C11orf54: variants seen among roughly 807,000 people sequenced by gnomAD.
C11orf54 encodes beta-keto L-gulonate decarboxylase.
A neutral mutation model predicts 35.5 loss-of-function variants in C11orf54; 29 were observed. The ratio of observed to expected loss-of-function variants is 0.82; its 90% confidence interval spans 0.61 to 1.11. The LOEUF (loss-of-function observed/expected upper bound fraction) is 1.11, where lower values mean the gene tolerates loss of function less well. C11orf54 is among the 50% of genes most tolerant of loss of function. C11orf54 has a pLI of 0.00. For missense variants in C11orf54, 373 were observed against 369.2 expected, an observed-to-expected ratio of 1.01 and a Z score of -0.08; for synonymous variants, 108 against 121.1, an observed-to-expected ratio of 0.89 and a Z score of 0.71.
chr11:93,743,668 C>T (rs1013011224), intron 1 of C11orf54, among the ~76,000 whole-genome samples: 47 of 152,294 alleles, frequency 3.1e-4, no homozygotes, highest in Admixed American at 2.2e-3. Context: ...CCCTGAAGAC[C>T]CACAGCCTGT....
intron 3 of C11orf54, among the ~76,000 whole-genome samples, chr11:93,751,957 A>G (rs186230126): frequency 1.4e-4 from 21 of 147,884 alleles, no homozygotes; most frequent in Admixed American, 1.4e-3. Context: ...GGCGATTCTC[A>G]TACCTCACCC....
intron 8 of C11orf54, among the ~76,000 whole-genome samples, chr11:93,761,152 A>G (rs1943443609): frequency 6.6e-6 from 1 of 152,238 alleles, no homozygotes; most frequent in South Asian, 2.1e-4. Context: ...AGAATGAGGA[A>G]GCTCTTTTAT....
At chr11:93,751,820 C>CTTTTTTTTTTT (rs35146074) in intron 3 of C11orf54, among the ~76,000 whole-genome samples, 3 of 80,228 alleles carry the variant, frequency 3.7e-5, no homozygotes, top group Non-Finnish European at 2.4e-5. Context: ...AATGGTTAAT[C>CTTTTTTTTTTT]TTTTTTTTTT....
Position 93,761,699 on chromosome 11 carries a change from ACTTATTT to A in C11orf54, c.*12_*18del. ...ATTGGGCGAGATTAAATCAGCTGAT[ACTTATTT>A]AGAAAAAGAAATAATTAAGGTTAAT... On this transcript the variant is annotated 3_prime_UTR_variant, in exon 9 of 9. Coordinates refer to ENST00000354421, the MANE Select transcript of C11orf54 (RefSeq NM_001286069.2). 2 of 1,533,122 alleles carry A rather than the reference ACTTATTT, an allele frequency of 1.3e-6. No homozygotes were observed. Among genetic ancestry groups the A allele is most frequent in the Admixed American group, 2.3e-5 (1 of 44,248 alleles). The allele number at this position is 1,533,122 out of a possible 1,614,324, so 95.0% of individuals were successfully genotyped here.
At chr11:93,758,091 C>G (rs1192251339) in intron 7 of C11orf54, among the ~76,000 whole-genome samples, 1 of 152,206 alleles carries the variant, frequency 6.6e-6, no homozygotes, top group Non-Finnish European at 1.5e-5. Flanking sequence ...GGGAGGACCG[C>G]TGGAGGCCAG....
intron 2 of C11orf54, among the ~76,000 whole-genome samples, chr11:93,749,190 A>G (rs1298998459): frequency 1.3e-5 from 2 of 151,458 alleles, no homozygotes; most frequent in South Asian, 4.2e-4. Flanking sequence ...TTTGATCCTT[A>G]AAAGTACATA....
intron 1 of C11orf54, chr11:93,745,747 C>T (rs1017937608): frequency 6.6e-6 from 1 of 152,216 alleles, no homozygotes; most frequent in South Asian, 2.1e-4. Context: ...TTTGGGAGGC[C>T]GAGGCAAGTG....
chr11:93,762,994 A>G lies in C11orf54; in HGVS notation c.*1306A>G, dbSNP rs1365006403. The G allele has an allele frequency of 6.6e-6, 1 of 152,210 alleles. No homozygotes were observed. The highest frequency in any genetic ancestry group is 6.5e-5 in the Admixed American group (1 of 15,280). The allele number at this position is 152,210 out of a possible 1,614,324, so 9.4% of individuals were successfully genotyped here. On this transcript the variant is annotated 3_prime_UTR_variant, in exon 9 of 9. Coordinates refer to ENST00000354421, the MANE Select transcript of C11orf54 (RefSeq NM_001286069.2). ...TTCAAATAATATTTTTTAATTGTCT[A>G]CTTTGGATGTTAGCTATGTCTTGTG...
chr11:93,742,193 T>G (rs1452664260), intron 1 of C11orf54: 1 of 152,772 alleles, frequency 6.5e-6, no homozygotes, highest in Non-Finnish European at 1.5e-5. Context: ...ACATCCCCCC[T>G]GCCCCACACC....
Position 93,761,787 on chromosome 11 carries a change from A to G in C11orf54, c.*99A>G, listed in dbSNP as rs1943492926. ...ATAAAACCAATAGAAATGATCCCACAGGCCAGGCACAATGGCTCATGCCTA... is the reference window on the plus strand; with the variant it reads ...ATAAAACCAATAGAAATGATCCCACGGGCCAGGCACAATGGCTCATGCCTA... On this transcript the variant is annotated 3_prime_UTR_variant, in exon 9 of 9. Coordinates refer to ENST00000354421, the MANE Select transcript of C11orf54 (RefSeq NM_001286069.2). 1.7e-6 allele frequency: 2 copies of G among 1,206,124 alleles called. No homozygotes were observed. Among genetic ancestry groups the G allele is most frequent in the Non-Finnish European group, 2.2e-6 (2 of 901,356 alleles). 74.7% of individuals were successfully genotyped at this position (1,206,124 alleles called of 1,614,324 possible).
Position 93,757,361 on chromosome 11 carries a change from G to A in C11orf54, c.553G>A (p.Val185Met). The A allele has an allele frequency of 3.1e-6, 5 of 1,598,216 alleles. No homozygotes were observed. Among genetic ancestry groups the A allele is most frequent in the Non-Finnish European group, 3.4e-6 (4 of 1,179,762 alleles). The change falls in exon 7 of 9, where the codon GTG becomes ATG. Residue 185 changes from valine (V) to methionine (M), a missense_variant. Val to Met is a conservative substitution (Grantham distance 21). Transcript: ENST00000354421. ...AKRRTGPLNF[V>M]TCMRETLEKH... ...AAGAAGAACTGGACCACTTAACTTT[G>A]TGACTTGTATGAGAGAGACCCTGGA...
intron 1 of C11orf54, among the ~76,000 whole-genome samples, chr11:93,744,152 T>C (rs553763946): frequency 2.6e-5 from 4 of 152,350 alleles, no homozygotes; most frequent in East Asian, 1.9e-4. Flanking sequence ...ATGTCAAATA[T>C]AGAGTAGAAC....
At chr11:93,754,118 A>C in intron 5 of C11orf54, 81 bp downstream of exon 5, 1 of 1,170,740 alleles carries the variant, frequency 8.5e-7, no homozygotes, top group Non-Finnish European at 1.3e-6. Flanking sequence ...CAAAAATCCT[A>C]CTTTCTGAGT....
At chr11:93,749,552 C>T (rs1213916677) in intron 2 of C11orf54, among the ~76,000 whole-genome samples, 1 of 148,656 alleles carries the variant, frequency 6.7e-6, no homozygotes, top group Non-Finnish European at 1.5e-5. Context: ...TGTGATGGCT[C>T]ATTGTAATCC....
At chr11:93,752,295 TAAGACC>T (rs1426086065) in intron 3 of C11orf54, among the ~76,000 whole-genome samples, 2 of 152,176 alleles carry the variant, frequency 1.3e-5, no homozygotes, top group Non-Finnish European at 2.9e-5. Context: ...CATAGGAGTT[TAAGACC>T]AAACTGGCCA....
intron 3 of C11orf54, among the ~76,000 whole-genome samples, chr11:93,750,749 G>A (rs1942770239): frequency 6.6e-6 from 1 of 152,092 alleles, no homozygotes; most frequent in African/African-American, 2.4e-5. Context: ...AGACTGTTAT[G>A]GAAACTGATT....
chr11:93,762,061 A>G lies in C11orf54; in HGVS notation c.*373A>G, dbSNP rs1001284923. The G allele has an allele frequency of 1.3e-5, 2 of 153,550 alleles. No homozygotes were observed. Among genetic ancestry groups the G allele is most frequent in the African/African-American group, 4.8e-5 (2 of 41,520 alleles). 9.5% of individuals were successfully genotyped at this position (153,550 alleles called of 1,614,324 possible). A position where few individuals can be genotyped will look rare whatever the true frequency, so the allele number is the denominator to read the frequency against. On this transcript the variant is annotated 3_prime_UTR_variant, in exon 9 of 9. Coordinates refer to ENST00000354421, the MANE Select transcript of C11orf54 (RefSeq NM_001286069.2). ...AAATATCTAATTGAGATATTCTTTA[A>G]TTTTTTACATAGCAGCTTTATTTTT...
intron 7 of C11orf54, among the ~76,000 whole-genome samples, chr11:93,758,627 G>T (rs1167597433): frequency 6.6e-6 from 1 of 152,256 alleles, no homozygotes; most frequent in South Asian, 2.1e-4. Context: ...TCGCAGCCCA[G>T]CCAGGTGTGC....
chr11:93,744,500 A>T (rs192984308), intron 1 of C11orf54, among the ~76,000 whole-genome samples: 179 of 152,360 alleles, frequency 1.2e-3, no homozygotes, highest in African/African-American at 4.2e-3. Context: ...CATTGTGCAG[A>T]TTTTGACATG....
Sources: allele counts gnomAD v4.1 joint callset (sites outside exome capture counted in the v4.1 genomes callset), GRCh38; gene constraint gnomAD v4.1.1; transcripts MANE v1.5; gene names NCBI Gene and HGNC (gene_info 2026-07-23, HGNC 2026-07-21).